CERKL: variants seen among roughly 807,000 people sequenced by gnomAD.
CERKL encodes CERK like autophagy regulator, also known as ceramide kinase-like protein.
A neutral mutation model predicts 63.4 loss-of-function variants in CERKL; 61 were observed. The ratio of observed to expected loss-of-function variants is 0.96; its 90% CI spans 0.78 to 1.19. The LOEUF (loss-of-function observed/expected upper bound fraction) is 1.19, where lower values mean the gene tolerates loss of function less well. Ranked by LOEUF, CERKL falls within the 50% of genes most tolerant of loss-of-function variation. CERKL has a pLI of 0.00. For synonymous variants in CERKL, 250 were observed against 230.5 expected (o/e 1.08, Z -0.77); for missense variants, 675 against 655.5 (o/e 1.03, Z -0.33).
rs114039459 is a variant in CERKL at position 181,632,550 on chromosome 2, C to A, written c.238+24219G>T. 2.1e-3 allele frequency among the ~76,000 whole-genome samples: 317 copies of A among 152,266 alleles called. 2 individuals are homozygous for A. The highest frequency in any genetic ancestry group is 7.6e-3 in the African/African-American group (315 of 41,548). ...GGGTGCACCTGTTCAGGGTGTCATA[C>A]CAAGCACCATACAAAGTTAATGGGA... On this transcript the variant is annotated intron_variant, in intron 1 of 12. Transcript: ENST00000410087.
intron 4 of CERKL, among the ~76,000 whole-genome samples, chr2:181,560,603 G>T (rs34743120): frequency 4.6e-5 from 7 of 152,054 alleles, no homozygotes; most frequent in African/African-American, 1.4e-4. Context: ...TATGCAATAG[G>T]TAATATTACC....
chr2:181,615,190 A>G (rs1428035042), intron 1 of CERKL, among the ~76,000 whole-genome samples: 2 of 152,122 alleles, frequency 1.3e-5, no homozygotes, highest in East Asian at 3.9e-4. Context: ...TTTTGGGGGG[A>G]AAAGTCAACT....
chr2:181,640,007 C>T (rs1227076833), intron 1 of CERKL, among the ~76,000 whole-genome samples: 1 of 152,094 alleles, frequency 6.6e-6, no homozygotes. Context: ...CCAGCTGGTA[C>T]ATTATTTTAG....
chr2:181,610,932 T>C (rs1313004476), intron 1 of CERKL, among the ~76,000 whole-genome samples: 1 of 152,092 alleles, frequency 6.6e-6, no homozygotes, highest in Non-Finnish European at 1.5e-5. Flanking sequence ...GCTAAAATAA[T>C]ACTTATCCAG....
In CERKL at chr2:181,566,079, C is replaced by T. The variant is rs371437331; in HGVS notation, c.656G>A (p.Cys219Tyr). The change falls in exon 4 of 13, where the codon TGT becomes TAT. Residue 219 changes from cysteine to tyrosine, a missense_variant. By Grantham distance (194) the Cys-to-Tyr change is radical. Coordinates refer to ENST00000410087, the MANE Select transcript of CERKL (RefSeq NM_201548.5). ...CTACCCATCAAATCCCTGGAGTTCA[C>T]ATTCCTTAAGCAGTGACAGAGCGTG... ...EGHALSLLKE[C>Y]ELQGFDGVVC... The T allele has an allele frequency of 3.0e-5, 49 of 1,609,546 alleles. No homozygotes were observed. The highest frequency in any genetic ancestry group is 2.6e-6 in the Non-Finnish European group (3 of 1,176,376).
intron 5 of CERKL, among the ~76,000 whole-genome samples, chr2:181,557,730 G>T (rs1299850128): frequency 3.3e-5 from 5 of 152,092 alleles, no homozygotes; most frequent in Non-Finnish European, 7.4e-5. Context: ...ACAATTCAGA[G>T]CCCTTACTGT....
At chr2:181,559,827 C>G (rs905738921) in intron 4 of CERKL, among the ~76,000 whole-genome samples, 1 of 152,144 alleles carries the variant, frequency 6.6e-6, no homozygotes, top group Non-Finnish European at 1.5e-5. Flanking sequence ...ATCTTTCTCT[C>G]GGCCATCTAT....
chr2:181,651,311 G>T (rs975642915), intron 1 of CERKL, among the ~76,000 whole-genome samples: 7 of 152,134 alleles, frequency 4.6e-5, no homozygotes, highest in African/African-American at 1.7e-4. Flanking sequence ...ACATTAGAAA[G>T]ATAACTTGCT....
chr2:181,624,750 G>A (rs1686611047), intron 1 of CERKL, among the ~76,000 whole-genome samples: 1 of 152,166 alleles, frequency 6.6e-6, no homozygotes, highest in African/African-American at 2.4e-5. Flanking sequence ...ACAAAGGGTG[G>A]AATGTAGCAA....
At chr2:181,585,078 T>C (rs953311678) in intron 2 of CERKL, among the ~76,000 whole-genome samples, 1 of 152,038 alleles carries the variant, frequency 6.6e-6, no homozygotes, top group Non-Finnish European at 1.5e-5. Flanking sequence ...CAATGAAGCC[T>C]TCCTTGCCCA....
At chr2:181,646,176 G>A (rs1687663008) in intron 1 of CERKL, among the ~76,000 whole-genome samples, 1 of 152,210 alleles carries the variant, frequency 6.6e-6, no homozygotes, top group African/African-American at 2.4e-5. Flanking sequence ...AAAGTAGGCA[G>A]GATTGGTGGG....
At chr2:181,623,927 T>C (rs932366304) in intron 1 of CERKL, among the ~76,000 whole-genome samples, 1 of 152,192 alleles carries the variant, frequency 6.6e-6, no homozygotes, top group Admixed American at 6.6e-5. Context: ...TTATGTAATA[T>C]ATTATATATA....
At chr2:181,554,112 A>G (rs185834246) in intron 5 of CERKL, among the ~76,000 whole-genome samples, 70 of 149,888 alleles carry the variant, frequency 4.7e-4, no homozygotes, top group African/African-American at 1.6e-3. Context: ...GGACAGAAGT[A>G]GCAGTTCATG....
intron 2 of CERKL, among the ~76,000 whole-genome samples, chr2:181,600,516 G>C (rs998821047): frequency 2.6e-5 from 4 of 152,092 alleles, no homozygotes; most frequent in Non-Finnish European, 5.9e-5. Flanking sequence ...AAGGGATGGA[G>C]AAAGATCTAG....
chr2:181,603,701 T>C lies in CERKL; in HGVS notation c.481+136A>G, dbSNP rs369672936. 4.8e-5 allele frequency: 44 copies of C among 918,062 alleles called. No homozygotes were observed. The Middle Eastern group carries it at 1.8e-3, about 37-fold the overall frequency. 56.9% of individuals were successfully genotyped at this position (918,062 alleles called of 1,614,324 possible). A position where few individuals can be genotyped will look rare whatever the true frequency, so the allele number is the denominator to read the frequency against. On this transcript the variant is annotated intron_variant, in intron 2 of 12. Transcript: ENST00000410087. ...AAAGTATTTAGCAAATTTCAACACT[T>C]TCTCACGACAAAAACTAGGAACAGA...
At chr2:181,603,666 T>A in intron 2 of CERKL, 171 bp downstream of exon 2, 1 of 739,274 alleles carries the variant, frequency 1.4e-6, no homozygotes, top group South Asian at 1.4e-5. Flanking sequence ...TTATCTCAAT[T>A]AATGTAGAAA....
At chr2:181,548,957 TA>T (rs1687862221) in intron 6 of CERKL, 100 bp from the exon 7 acceptor site, 2 of 1,037,340 alleles carry the variant, frequency 1.9e-6, no homozygotes, top group Non-Finnish European at 2.9e-6. Flanking sequence ...GGAGAATATC[TA>T]AAGGTACTGT....
At chr2:181,568,263 T>C (rs1688747988) in intron 3 of CERKL, among the ~76,000 whole-genome samples, 1 of 152,210 alleles carries the variant, frequency 6.6e-6, no homozygotes, top group Admixed American at 6.5e-5. Flanking sequence ...TGAAATGTCA[T>C]TTTCTTTCCT....
At chr2:181,633,848 T>TCA (rs1687066910) in intron 1 of CERKL, among the ~76,000 whole-genome samples, 1 of 152,132 alleles carries the variant, frequency 6.6e-6, no homozygotes, top group South Asian at 2.1e-4. Context: ...TTGCCTGTCT[T>TCA]CACACACGCA....
Sources: allele counts gnomAD v4.1 joint callset (sites outside exome capture counted in the v4.1 genomes callset), GRCh38; gene constraint gnomAD v4.1.1; transcripts MANE v1.5; gene names NCBI Gene and HGNC (gene_info 2026-07-23, HGNC 2026-07-21).